PDIA5: variants seen among roughly 807,000 people sequenced by gnomAD.
PDIA5 encodes protein disulfide-isomerase A5.
In PDIA5, 58 loss-of-function variants were observed where a neutral mutation model predicts 77.6. The ratio of observed to expected loss-of-function variants is 0.75; its 90% CI spans 0.61 to 0.93. The LOEUF (loss-of-function observed/expected upper bound fraction) is 0.93. PDIA5 is among the 40% of genes least tolerant of loss of function. The pLI is 0.00. For synonymous variants in PDIA5, 250 were observed against 252.1 expected, an observed-to-expected ratio of 0.99 and a Z score of 0.08; for missense variants, 630 against 647.7, an observed-to-expected ratio of 0.97 and a Z score of 0.30.
At chr3:123,115,872 G>C (rs372985771) in intron 7 of PDIA5, among the ~76,000 whole-genome samples, 3 of 152,264 alleles carry the variant, frequency 2.0e-5, no homozygotes, top group African/African-American at 7.2e-5. Flanking sequence ...TGTGCGTGCA[G>C]CAGTTGCTCT....
intron 8 of PDIA5, among the ~76,000 whole-genome samples, chr3:123,118,376 A>C (rs1444231267): frequency 6.6e-6 from 1 of 152,170 alleles, no homozygotes; most frequent in Non-Finnish European, 1.5e-5. Flanking sequence ...ACCCGCATAC[A>C]CTTAGAAATC....
In PDIA5 at chr3:123,145,507, G is replaced by T; in HGVS notation, c.911-15G>T. The T allele has an allele frequency of 6.2e-7, 1 of 1,611,672 alleles. No homozygotes were observed. The highest frequency in any genetic ancestry group is 8.5e-7 in the Non-Finnish European group (1 of 1,177,790). On this transcript the variant is annotated splice_polypyrimidine_tract_variant and intron_variant, in intron 11 of 16. Transcript: ENST00000316218. Reference sequence around the variant, plus strand: ...CTGTGCCATAAGAATGGTTTCTCTTGATCTCTCCCCACAGGGTGTGGCCAC... The same window carrying T: ...CTGTGCCATAAGAATGGTTTCTCTTTATCTCTCCCCACAGGGTGTGGCCAC...
chr3:123,128,291 G>GT (rs1328565274), intron 10 of PDIA5, among the ~76,000 whole-genome samples: 3 of 152,142 alleles, frequency 2.0e-5, no homozygotes, highest in East Asian at 1.9e-4. Flanking sequence ...AAAGTTTTTT[G>GT]TTTTTTGTTT....
intron 3 of PDIA5, among the ~76,000 whole-genome samples, chr3:123,101,371 C>T (rs1234256976): frequency 1.3e-5 from 2 of 152,142 alleles, no homozygotes; most frequent in Non-Finnish European, 2.9e-5. Context: ...CATTGAAATC[C>T]ATTGTTCTAA....
rs61023167 is a variant in PDIA5, at chr3:123,105,743, A to G, written c.388-1006A>G. On this transcript the variant is annotated intron_variant, in intron 5 of 16. Transcript: ENST00000316218. ...CTCATCTCAGGCCACACACACGCACACACACACACACACACACACATACAC... is the reference window on the plus strand; with the variant it reads ...CTCATCTCAGGCCACACACACGCACGCACACACACACACACACACATACAC... Among the ~76,000 whole-genome samples, 840 of 115,920 alleles carry G rather than the reference A, an allele frequency of 7.2e-3. 6 individuals are homozygous for G. The highest frequency in any genetic ancestry group is 0.012 in the South Asian group (51 of 4,112). The allele number at this position is 115,920 out of a possible 152,430, so 76.0% of individuals were successfully genotyped here.
chr3:123,121,921 T>C (rs186284353), intron 8 of PDIA5, among the ~76,000 whole-genome samples: 1 of 152,322 alleles, frequency 6.6e-6, no homozygotes, highest in African/African-American at 2.4e-5. Flanking sequence ...GAGTTGGGAC[T>C]CAAACCCAGG....
At chr3:123,142,386 A>C (rs184871517) in intron 11 of PDIA5, among the ~76,000 whole-genome samples, 1 of 152,346 alleles carries the variant, frequency 6.6e-6, no homozygotes, top group Admixed American at 6.5e-5. Context: ...AACTTACCAA[A>C]ACAACCCTTT....
intron 8 of PDIA5, among the ~76,000 whole-genome samples, chr3:123,121,567 G>A (rs1234656555): frequency 1.3e-5 from 2 of 152,212 alleles, no homozygotes; most frequent in Non-Finnish European, 2.9e-5. Context: ...CACCCCAAGC[G>A]AAGGTGGTTT....
rs1216691207 is a variant in PDIA5, at chr3:123,130,601, A to G, written c.895A>G (p.Met299Val). 5 of 1,614,082 alleles carry G rather than the reference A, an allele frequency of 3.1e-6. No homozygotes were observed. In the East Asian group the frequency reaches 8.9e-5, roughly 29 times the overall value. Residue 299 changes from methionine to valine, a missense_variant, in exon 11 of 17, where the codon ATG (methionine) becomes GTG (valine). Physicochemically the swap from Met to Val is conservative, Grantham distance 21. Coordinates refer to ENST00000316218, the MANE Select transcript of PDIA5 (RefSeq NM_006810.4). The part of the protein sequence containing the change: ...FVKEHSSVLV[M>V]FHAPWCGHCK... The stretch of plus-strand genomic sequence containing the variant: ...GAAGGAACACTCCTCTGTCCTCGTC[A>G]TGTTCCACGCCCCATGTGAGTGGAA...
At chr3:123,122,575 G>T (rs989209007) in intron 8 of PDIA5, among the ~76,000 whole-genome samples, 1 of 152,188 alleles carries the variant, frequency 6.6e-6, no homozygotes, top group East Asian at 1.9e-4. Flanking sequence ...AGGCACAGTG[G>T]CTCCCATCAC....
At chr3:123,138,262 A>T (rs1935545269) in intron 11 of PDIA5, among the ~76,000 whole-genome samples, 1 of 152,162 alleles carries the variant, frequency 6.6e-6, no homozygotes, top group South Asian at 2.1e-4. Context: ...TTATTTATTT[A>T]AGTCTTTTCT....
Position 123,067,173 on chromosome 3 carries a change from G to T in PDIA5, c.9G>T (p.Arg3=). The T allele has an allele frequency of 7.2e-6, 9 of 1,246,722 alleles. No homozygotes were observed. Among genetic ancestry groups the T allele is most frequent in the Non-Finnish European group, 9.1e-6 (9 of 990,464 alleles). The allele number at this position is 1,246,722 out of a possible 1,614,324, so 77.2% of individuals were successfully genotyped here. A position where few individuals can be genotyped will look rare whatever the true frequency, so the allele number is the denominator to read the frequency against. The change falls in exon 1 of 17, where the codon CGG becomes CGT. Residue 3 remains arginine (R), a synonymous_variant. Coordinates refer to ENST00000316218, the MANE Select transcript of PDIA5 (RefSeq NM_006810.4). ...TGGGCAGCGCTGCTGGGATGGCGCG[G>T]GCCGGGCCGGCGTGGCTGCTGCTGG... MA[R]AGPAWLLLAI... is the part of the protein sequence containing the mutation.
At chr3:123,130,638 C>A in intron 11 of PDIA5, 22 bp downstream of exon 11, 6 of 1,612,374 alleles carry the variant, frequency 3.7e-6, no homozygotes, top group Non-Finnish European at 5.1e-6. Context: ...TTTGCTCCTC[C>A]CCCTCCACAC....
chr3:123,115,712 A>G (rs923598009), intron 7 of PDIA5, among the ~76,000 whole-genome samples: 1 of 152,248 alleles, frequency 6.6e-6, no homozygotes, highest in East Asian at 1.9e-4. Flanking sequence ...GCCTCTGGTC[A>G]TTGCTTAATT....
intron 3 of PDIA5, among the ~76,000 whole-genome samples, chr3:123,096,273 A>G (rs536268970): frequency 2.0e-5 from 3 of 152,154 alleles, no homozygotes; most frequent in South Asian, 4.1e-4. Flanking sequence ...ATCTCGGTTC[A>G]TTGCAGACTT....
At chr3:123,152,333 C>A (rs1935933404) in intron 14 of PDIA5, among the ~76,000 whole-genome samples, 1 of 152,144 alleles carries the variant, frequency 6.6e-6, no homozygotes, top group African/African-American at 2.4e-5. Context: ...ACAATCCATC[C>A]AGGGCAGGGT....
At chr3:123,128,798 TC>T (rs1480477241) in intron 10 of PDIA5, among the ~76,000 whole-genome samples, 3 of 152,228 alleles carry the variant, frequency 2.0e-5, no homozygotes, top group Admixed American at 2.0e-4. Context: ...CTCCTTATCC[TC>T]CCTCCTATAC....
chr3:123,144,370 A>G (rs1476447332), intron 11 of PDIA5: 1 of 152,248 alleles, frequency 6.6e-6, no homozygotes, highest in African/African-American at 2.4e-5. Context: ...GTCCCCGCAC[A>G]GCCAGGCTTA....
chr3:123,142,768 T>A (rs1935672768), intron 11 of PDIA5, among the ~76,000 whole-genome samples: 1 of 152,196 alleles, frequency 6.6e-6, no homozygotes. Flanking sequence ...CTTTTGGGGC[T>A]ATGTGCCTTG....
Sources: allele counts gnomAD v4.1 joint callset (sites outside exome capture counted in the v4.1 genomes callset), GRCh38; gene constraint gnomAD v4.1.1; transcripts MANE v1.5; gene names NCBI Gene and HGNC (gene_info 2026-07-23, HGNC 2026-07-21).